MAF: variants seen among roughly 807,000 people sequenced by gnomAD.
MAF encodes transcription factor Maf.
In MAF, 10 loss-of-function variants were observed where a neutral mutation model predicts 22.0. The ratio of observed to expected loss-of-function variants is 0.45; its 90% CI spans 0.28 to 0.77. The LOEUF is 0.77. Ranked by LOEUF, MAF falls within the 30% of genes least tolerant of loss-of-function variation. The probability of loss-of-function intolerance (pLI) is 0.12; values close to 1 mark genes in which losing one functional copy is unlikely to be tolerated. For missense variants in MAF, 544 were observed against 548.4 expected (o/e 0.99, Z 0.08); for synonymous variants, 337 against 255.8 (o/e 1.32, Z -3.03).
At chr16:79,243,148 A>T in the MAF span, among the ~76,000 whole-genome samples, 1 of 152,052 alleles carries the variant, frequency 6.6e-6, no homozygotes, top group Non-Finnish European at 1.5e-5. Flanking sequence ...GAACTAGAGA[A>T]GCAAGAGCAA....
At chr16:79,506,977 T>C in the MAF span, among the ~76,000 whole-genome samples, 1 of 152,196 alleles carries the variant, frequency 6.6e-6, no homozygotes. Flanking sequence ...GCTCATTCCT[T>C]CTGTAAACCT....
the MAF span, among the ~76,000 whole-genome samples, chr16:79,502,718 T>TATAA: frequency 5.5e-5 from 1 of 18,174 alleles, no homozygotes; most frequent in East Asian, 5.7e-3. Flanking sequence ...AATATATATA[T>TATAA]ATATATATAT....
the MAF span, among the ~76,000 whole-genome samples, chr16:79,377,474 G>T: frequency 2.6e-5 from 4 of 152,142 alleles, no homozygotes; most frequent in Non-Finnish European, 5.9e-5. Flanking sequence ...CCATTCTGTA[G>T]GTTGCCTGTT....
At chr16:79,350,960 T>G in the MAF span, among the ~76,000 whole-genome samples, 1 of 151,812 alleles carries the variant, frequency 6.6e-6, no homozygotes, top group East Asian at 1.9e-4. Flanking sequence ...ACCCAGATGA[T>G]CTGAGAAGGC....
the MAF span, among the ~76,000 whole-genome samples, chr16:79,265,877 C>T: frequency 1.4e-4 from 21 of 152,302 alleles, no homozygotes; most frequent in Admixed American, 5.2e-4. Context: ...CACTGTGATA[C>T]GCAGCAGTCG....
the MAF span, among the ~76,000 whole-genome samples, chr16:79,531,422 C>G: frequency 6.6e-6 from 1 of 152,044 alleles, no homozygotes; most frequent in Non-Finnish European, 1.5e-5. Context: ...CCAGATGATT[C>G]AAACACATTA....
At chr16:79,547,040 G>A in the MAF span, among the ~76,000 whole-genome samples, 42 of 152,146 alleles carry the variant, frequency 2.8e-4, no homozygotes, top group African/African-American at 1.0e-3. Flanking sequence ...ATGGTCACAG[G>A]ACATGCGTAC....
chr16:79,298,904 C>T, the MAF span, among the ~76,000 whole-genome samples: 2 of 152,242 alleles, frequency 1.3e-5, no homozygotes, highest in African/African-American at 4.8e-5. Context: ...GCCTCCAGGG[C>T]TATAAGGCAG....
At chr16:79,218,911 A>C in the MAF span, among the ~76,000 whole-genome samples, 1 of 152,304 alleles carries the variant, frequency 6.6e-6, no homozygotes, top group East Asian at 1.9e-4. Flanking sequence ...TGCAAAGCCC[A>C]AAACTCACAC....
At chr16:79,578,574 A>T in the MAF span, among the ~76,000 whole-genome samples, 1 of 152,216 alleles carries the variant, frequency 6.6e-6, no homozygotes, top group African/African-American at 2.4e-5. Flanking sequence ...ACATGGAAAT[A>T]TAAAATGAGA....
the MAF span, among the ~76,000 whole-genome samples, chr16:79,239,831 A>G: frequency 6.6e-6 from 1 of 152,042 alleles, no homozygotes. Context: ...ATGCCCAGCC[A>G]TGGCAGGGGT....
chr16:79,312,566 G>A, the MAF span, among the ~76,000 whole-genome samples: 2 of 152,212 alleles, frequency 1.3e-5, no homozygotes, highest in African/African-American at 4.8e-5. Flanking sequence ...AGCCAGAGCA[G>A]AGAGACAGAA....
the MAF span, among the ~76,000 whole-genome samples, chr16:79,468,977 G>A: frequency 6.6e-6 from 1 of 152,112 alleles, no homozygotes; most frequent in Non-Finnish European, 1.5e-5. Flanking sequence ...AAAGAGTGAT[G>A]TTGTTTGACA....
chr16:79,455,485 A>G, the MAF span, among the ~76,000 whole-genome samples: 1 of 152,182 alleles, frequency 6.6e-6, no homozygotes, highest in Admixed American at 6.5e-5. Flanking sequence ...GGAGATTGAG[A>G]AGCGCACAAA....
the MAF span, among the ~76,000 whole-genome samples, chr16:79,360,307 T>G: frequency 6.6e-6 from 1 of 152,202 alleles, no homozygotes; most frequent in Non-Finnish European, 1.5e-5. Context: ...CACCTGGCCT[T>G]GTTTCCCATC....
the MAF span, among the ~76,000 whole-genome samples, chr16:79,311,214 C>T: frequency 1.2e-4 from 19 of 152,050 alleles, no homozygotes; most frequent in African/African-American, 4.6e-4. Context: ...AGGAAATACG[C>T]CTTTGTCCAA....
At chr16:79,553,350 C>G in the MAF span, among the ~76,000 whole-genome samples, 1 of 152,230 alleles carries the variant, frequency 6.6e-6, no homozygotes, top group Admixed American at 6.5e-5. Context: ...TCTCTCTGGA[C>G]CCCTGGCCCA....
chr16:79,386,980 T>A, the MAF span, among the ~76,000 whole-genome samples: 1,602 of 152,336 alleles, frequency 0.011, 21 homozygotes, highest in African/African-American at 0.036. Context: ...GTTCAGCCAT[T>A]GAGCTGCTTA....
chr16:79,454,529 T>A, the MAF span, among the ~76,000 whole-genome samples: 1 of 152,214 alleles, frequency 6.6e-6, no homozygotes, highest in African/African-American at 2.4e-5. Context: ...GTATACTCAT[T>A]AATCTTTAAG....
Sources: allele counts gnomAD v4.1 joint callset (sites outside exome capture counted in the v4.1 genomes callset), GRCh38; gene constraint gnomAD v4.1.1; transcripts MANE v1.5; gene names NCBI Gene and HGNC (gene_info 2026-07-23, HGNC 2026-07-21).